Variants in COL5A1 observed in about 807,000 individuals in gnomAD.
The protein encoded by COL5A1 is collagen type V alpha 1 chain.
COL5A1 carries 16 observed loss-of-function variants against 263.7 expected under a neutral mutation model. The ratio of observed to expected loss-of-function variants is 0.06; its 90% CI spans 0.04 to 0.09. COL5A1 has a LOEUF of 0.09. Ranked by LOEUF, COL5A1 falls within the 10% of genes least tolerant of loss-of-function variation. The pLI, the probability that COL5A1 is intolerant of heterozygous loss-of-function variation, is 1.00. For missense variants in COL5A1, 2,036 were observed against 2,540.5 expected, an observed-to-expected ratio of 0.80 and a Z score of 4.27; for synonymous variants, 1,012 against 1,004.5, an observed-to-expected ratio of 1.01 and a Z score of -0.14.
At chr9:134,732,545 G>T (rs564502841) in intron 9 of COL5A1, 4 of 313,014 alleles carry the variant, frequency 1.3e-5, no homozygotes, top group African/African-American at 6.3e-5. Flanking sequence ...TAGTTAACAC[G>T]TGGTCGTACC....
Position 134,700,024 on chromosome 9 carries a change from G to C in COL5A1, c.393G>C (p.Glu131Asp). The change falls in exon 3 of 66, where the codon GAG becomes GAC. Residue 131 changes from glutamate (E) to aspartate (D), a missense_variant. This residue lies in a region of COL5A1 where 600 missense variants were observed against 634.5 expected (regional missense o/e 0.95). Transcript: ENST00000371817. The surrounding 1 kb of genome is among the most constrained non-coding windows in gnomAD (Gnocchi z 4.0). ...AGGGTATCCAGCAGATTGGGCTGGA[G>C]CTGGGCCGCTCTCCCGTCTTCCTCT... is the stretch of plus-strand genomic sequence containing the variant. ...NEQGIQQIGL[E>D]LGRSPVFLYE... is the part of the protein sequence containing the mutation. 1 of 1,613,686 alleles carries C rather than the reference G, an allele frequency of 6.2e-7. No homozygotes were observed. Among genetic ancestry groups the C allele is most frequent in the Non-Finnish European group, 8.5e-7 (1 of 1,180,022 alleles).
intron 14 of COL5A1, among the ~76,000 whole-genome samples, chr9:134,753,517 C>T (rs897393690): frequency 3.9e-5 from 6 of 152,208 alleles, no homozygotes; most frequent in Admixed American, 1.3e-4. Flanking sequence ...CAGGTGCATA[C>T]GCTGCTCGAA....
chr9:134,758,374 G>T lies in COL5A1; in HGVS notation c.1935+78G>T, dbSNP rs752786759. ...TCTCGGGAGGCCCTTCTCCTTCCAG[G>T]CAGCCTCAGATTTCCTGTGGGGTCA... On this transcript the variant is annotated intron_variant, in intron 18 of 65. Transcript: ENST00000371817. The surrounding 1 kb of genome is among the most constrained non-coding windows in gnomAD (Gnocchi z 4.1). 4.1e-5 allele frequency: 60 copies of T among 1,466,432 alleles called. No homozygotes were observed. The highest frequency in any genetic ancestry group is 5.3e-5 in the Non-Finnish European group (56 of 1,048,598). 90.8% of individuals were successfully genotyped at this position (1,466,432 alleles called of 1,614,324 possible). A position where few individuals can be genotyped will look rare whatever the true frequency, so the allele number is the denominator to read the frequency against.
At position 134,652,690 on chromosome 9, in the gene COL5A1, G is replaced by T; in HGVS notation, c.109+10394G>T. 2.1e-6 allele frequency: 1 copy of T among 470,902 alleles called. No homozygotes were observed. The highest frequency in any genetic ancestry group is 4.4e-6 in the Non-Finnish European group (1 of 226,952). The allele number at this position is 470,902 out of a possible 1,614,324, so 29.2% of individuals were successfully genotyped here. A position where few individuals can be genotyped will look rare whatever the true frequency, so the allele number is the denominator to read the frequency against. ...ATCGTGGGATAGAGGAAGCAAAGGT[G>T]AGATTCCGTGGCCTCACCCCATGGT... On this transcript the variant is annotated intron_variant, in intron 1 of 65. Transcript: ENST00000371817. The surrounding 1 kb of genome is among the most constrained non-coding windows in gnomAD (Gnocchi z 4.4).
chr9:134,649,419 G>A (rs1217381727), intron 1 of COL5A1: 1 of 455,626 alleles, frequency 2.2e-6, no homozygotes, highest in Admixed American at 2.6e-5. Flanking sequence ...CAGAGCTCTG[G>A]GGACATGGGC....
At chr9:134,828,864 CACCACACATCACACACAG>C (rs992005420) in intron 63 of COL5A1, among the ~76,000 whole-genome samples, 1 of 146,698 alleles carries the variant, frequency 6.8e-6, no homozygotes, top group Non-Finnish European at 1.5e-5. Context: ...ACTACACACA[CACCACACATCACACACAG>C]ACCACACATT....
intron 59 of COL5A1, 51 bp downstream of exon 59, chr9:134,822,201 G>A (rs756790180): frequency 1.5e-6 from 2 of 1,371,112 alleles, no homozygotes; most frequent in African/African-American, 1.4e-5. Context: ...GGGAGGGTGG[G>A]GATAAGCCTT....
chr9:134,750,149 G>T (rs1006795699), intron 11 of COL5A1, among the ~76,000 whole-genome samples: 2 of 152,180 alleles, frequency 1.3e-5, no homozygotes, highest in African/African-American at 4.8e-5. Context: ...CTTGAGCCTG[G>T]AGTCTTTGTT....
Position 134,844,310 on chromosome 9 carries a change from C to CAAAAG in COL5A1, c.*2013_*2017dup, listed in dbSNP as rs977927772. On this transcript the variant is annotated 3_prime_UTR_variant, in exon 66 of 66. Coordinates refer to ENST00000371817, the MANE Select transcript of COL5A1 (RefSeq NM_000093.5). ...CCAATGACTGTCACCTTCATCTCTTCAAAAGAAAAGCCATAGCCGAGGACT... is the reference window on the plus strand; with the variant it reads ...CCAATGACTGTCACCTTCATCTCTTCAAAAGAAAAGAAAAGCCATAGCCGAGGACT... 14 of 152,632 alleles carry CAAAAG rather than the reference C, an allele frequency of 9.2e-5. No homozygotes were observed. The highest frequency in any genetic ancestry group is 3.4e-4 in the African/African-American group (14 of 41,444). The allele number at this position is 152,632 out of a possible 1,614,324, so 9.5% of individuals were successfully genotyped here. A position where few individuals can be genotyped will look rare whatever the true frequency, so the allele number is the denominator to read the frequency against.
chr9:134,780,456 G>T (rs1837210125), intron 28 of COL5A1, among the ~76,000 whole-genome samples: 1 of 152,222 alleles, frequency 6.6e-6, no homozygotes, highest in Non-Finnish European at 1.5e-5. Context: ...CCACGTGCCT[G>T]CAGGGGCCAG....
chr9:134,759,732 A>T (rs1836207780), intron 18 of COL5A1, among the ~76,000 whole-genome samples: 1 of 56,394 alleles, frequency 1.8e-5, no homozygotes, highest in Admixed American at 2.8e-4. Flanking sequence ...CCCCACACTC[A>T]TACACACACA....
chr9:134,705,565 C>T (rs549300793), intron 4 of COL5A1, among the ~76,000 whole-genome samples: 5 of 152,224 alleles, frequency 3.3e-5, no homozygotes, highest in Non-Finnish European at 5.9e-5. Context: ...CTTGGAGCCC[C>T]GTGTCCTCAT....
chr9:134,821,987 C>A lies in COL5A1; in HGVS notation c.4555-110C>A. On this transcript the variant is annotated intron_variant, in intron 58 of 65. Transcript: ENST00000371817. The surrounding 1 kb of genome is among the most constrained non-coding windows in gnomAD (Gnocchi z 4.2). ...GGCTGCTGAGGGGCCAAAGGGCATA[C>A]CGTGGGGAAGGGACAGGGGAGCCGA... The A allele has an allele frequency of 1.1e-6, 1 of 940,938 alleles. No homozygotes were observed. Among genetic ancestry groups the A allele is most frequent in the Non-Finnish European group, 1.8e-6 (1 of 570,804 alleles). The allele number at this position is 940,938 out of a possible 1,614,324, so 58.3% of individuals were successfully genotyped here.
intron 65 of COL5A1, among the ~76,000 whole-genome samples, chr9:134,836,042 C>T (rs1564188690): frequency 1.3e-5 from 2 of 152,206 alleles, no homozygotes; most frequent in South Asian, 2.1e-4. Flanking sequence ...CTGTCACTGA[C>T]ATTGGAGCCT....
intron 13 of COL5A1, among the ~76,000 whole-genome samples, chr9:134,751,547 C>T (rs940784046): frequency 6.6e-5 from 10 of 152,138 alleles, no homozygotes; most frequent in Admixed American, 5.9e-4. Context: ...GAGCAGGGTC[C>T]GCAGAGGAGC....
intron 1 of COL5A1, among the ~76,000 whole-genome samples, chr9:134,669,028 C>G (rs1232645108): frequency 7.2e-6 from 1 of 139,574 alleles, no homozygotes; most frequent in Non-Finnish European, 1.5e-5. Context: ...TCCCATTTAT[C>G]CATTTACTCA....
Position 134,741,244 on chromosome 9 carries a change from A to T in COL5A1, c.1494+2436A>T, listed in dbSNP as rs991695490. Among the ~76,000 whole-genome samples, 32 of 152,252 alleles carry T rather than the reference A, an allele frequency of 2.1e-4. 1 individual carries two copies. The highest frequency in any genetic ancestry group is 6.8e-4 in the African/African-American group (28 of 41,464). On this transcript the variant is annotated intron_variant, in intron 11 of 65. Transcript: ENST00000371817. The surrounding 1 kb of genome is among the most constrained non-coding windows in gnomAD (Gnocchi z 4.5). ...TTGTCTCTGCCCTCGGAGGTTGAGC[A>T]TCTGGGGCCTCCAAAAGACAGATTA...
chr9:134,818,427 G>A lies in COL5A1; in HGVS notation c.4231-229G>A, dbSNP rs556152025. ...GCGCTGTGACACCCGGTCTGTGGTC[G>A]GCGCAGTCAGCGGAGACGGGATCCC... On this transcript the variant is annotated intron_variant, in intron 54 of 65. Transcript: ENST00000371817. The surrounding 1 kb of genome is among the most constrained non-coding windows in gnomAD (Gnocchi z 6.0). Among the ~76,000 whole-genome samples the A allele has an allele frequency of 3.3e-5, 5 of 152,300 alleles. No individual in the cohort carries two copies. In the South Asian group the frequency reaches 8.3e-4, roughly 25 times the overall value.
chr9:134,755,432 C>T lies in COL5A1; in HGVS notation c.1827+1106C>T, dbSNP rs7028969. ...GCATGGTGTCGGGGCCATGCATATG[C>T]GTGTGTTTTAAGGCATTAAGTATGC... is the stretch of plus-strand genomic sequence containing the variant. On this transcript the variant is annotated intron_variant, in intron 16 of 65. Coordinates refer to ENST00000371817, the MANE Select transcript of COL5A1 (RefSeq NM_000093.5). This position sits in a 1 kb window ranked among gnomAD's most constrained non-coding sequence, Gnocchi z 4.1. 0.017 allele frequency among the ~76,000 whole-genome samples: 2,569 copies of T among 152,182 alleles called. 45 individuals carry two copies. Among genetic ancestry groups the T allele is most frequent in the African/African-American group, 0.038 (1,560 of 41,504 alleles).
Sources: allele counts gnomAD v4.1 joint callset (sites outside exome capture counted in the v4.1 genomes callset), GRCh38; gene constraint gnomAD v4.1.1; regional missense constraint gnomAD v4.1.1; non-coding constraint Gnocchi (gnomAD v3.1); transcripts MANE v1.5; gene names NCBI Gene and HGNC (gene_info 2026-07-23, HGNC 2026-07-21).